The following SOX5 variants were observed in gnomAD, a reference collection of about 807,000 sequenced individuals.
SOX5 encodes the protein SRY-box transcription factor 5.
Under a neutral mutation model 92.0 loss-of-function variants are expected in SOX5, and 9 were observed. The ratio of observed to expected loss-of-function variants is 0.10; its 90% confidence interval spans 0.06 to 0.17. The LOEUF is 0.17. Ranked by LOEUF, SOX5 falls within the 10% of genes least tolerant of loss-of-function variation. The pLI is 1.00. For missense variants in SOX5, 642 were observed against 944.5 expected, an observed-to-expected ratio of 0.68 and a Z score of 4.20; for synonymous variants, 344 against 336.3, an observed-to-expected ratio of 1.02 and a Z score of -0.25.
chr12:24,064,090 G>T (rs1940229425), intron 4 of SOX5, among the ~76,000 whole-genome samples: 1 of 152,106 alleles, frequency 6.6e-6, no homozygotes, highest in South Asian at 2.1e-4. Flanking sequence ...CTTAACACGG[G>T]ACCTAAAAGA....
intron 4 of SOX5, among the ~76,000 whole-genome samples, chr12:24,080,214 C>T (rs1482150411): frequency 6.6e-6 from 1 of 151,832 alleles, no homozygotes; most frequent in South Asian, 2.1e-4. Context: ...GAAAAGAATG[C>T]CTCTGTGTAT....
At chr12:23,876,996 G>A (rs543170519) in intron 2 of SOX5, among the ~76,000 whole-genome samples, 1 of 152,186 alleles carries the variant, frequency 6.6e-6, no homozygotes, top group Admixed American at 6.5e-5. Flanking sequence ...GCCTTTTGGG[G>A]GTCAGGGGCA....
In SOX5 at chr12:24,393,951, C is replaced by T. The variant is rs776321054; in HGVS notation, c.-250-25312G>A. Among the ~76,000 whole-genome samples the T allele has an allele frequency of 2.0e-4, 31 of 152,214 alleles. No homozygotes were observed. Among genetic ancestry groups the T allele is most frequent in the African/African-American group, 7.2e-4 (30 of 41,528 alleles). ...GGCAAAATATTCTTAAAATACCCTG[C>T]GTGGGGAAAAATAAAACCGTGAGTG... On this transcript the variant is annotated intron_variant, in intron 1 of 4. Transcript: ENST00000446891. The surrounding 1 kb of genome is among the most constrained non-coding windows in gnomAD (Gnocchi z 5.0).
intron 3 of SOX5, among the ~76,000 whole-genome samples, chr12:24,224,476 A>G (rs1445552473): frequency 6.6e-6 from 1 of 152,018 alleles, no homozygotes; most frequent in Non-Finnish European, 1.5e-5. Flanking sequence ...AGTTCAAATG[A>G]TAGAATTTAC....
chr12:24,349,461 C>T (rs906563603), intron 2 of SOX5, among the ~76,000 whole-genome samples: 4 of 152,176 alleles, frequency 2.6e-5, no homozygotes, highest in African/African-American at 9.7e-5. Context: ...CTGGCAACCA[C>T]CATTCTGTCT....
intron 1 of SOX5, among the ~76,000 whole-genome samples, chr12:23,935,249 C>T (rs1942287782): frequency 2.0e-5 from 3 of 151,108 alleles, no homozygotes; most frequent in Admixed American, 1.3e-4. Flanking sequence ...TTCCTGCTAC[C>T]CAAATAAAAT....
intron 1 of SOX5, among the ~76,000 whole-genome samples, chr12:24,528,697 T>G (rs1331569080): frequency 6.6e-6 from 1 of 152,176 alleles, no homozygotes; most frequent in Non-Finnish European, 1.5e-5. Flanking sequence ...CTCTGACCAG[T>G]TCTCTTACTT....
chr12:23,909,451 A>G (rs2097327493), intron 1 of SOX5, among the ~76,000 whole-genome samples: 2 of 152,200 alleles, frequency 1.3e-5, no homozygotes, highest in Admixed American at 1.3e-4. Context: ...TCACCACAAA[A>G]TCTGTCAGTA....
At chr12:23,945,831 AT>A (rs901426466) in intron 1 of SOX5, among the ~76,000 whole-genome samples, 1 of 152,006 alleles carries the variant, frequency 6.6e-6, no homozygotes, top group Admixed American at 6.6e-5. Flanking sequence ...AGCACAACGG[AT>A]TTTTTTGTTG....
chr12:24,535,589 T>C (rs1336664452), intron 1 of SOX5, among the ~76,000 whole-genome samples: 2 of 152,322 alleles, frequency 1.3e-5, no homozygotes, highest in Non-Finnish European at 1.5e-5. Flanking sequence ...TTAAGAGTTT[T>C]AACAGACTCT....
At chr12:23,724,895 T>C (rs976939611) in intron 6 of SOX5, among the ~76,000 whole-genome samples, 1 of 152,210 alleles carries the variant, frequency 6.6e-6, no homozygotes, top group Non-Finnish European at 1.5e-5. Context: ...GTGAAAAATC[T>C]ACTTGGTGGG....
At chr12:24,444,735 G>A (rs990751912) in intron 1 of SOX5, among the ~76,000 whole-genome samples, 2 of 152,162 alleles carry the variant, frequency 1.3e-5, no homozygotes, top group African/African-American at 4.8e-5. Flanking sequence ...AAATGGGGAG[G>A]TATATAGACA....
chr12:24,312,102 C>A (rs1268907324), intron 2 of SOX5, among the ~76,000 whole-genome samples: 2 of 152,166 alleles, frequency 1.3e-5, no homozygotes, highest in African/African-American at 4.8e-5. Context: ...TTTCAACTAA[C>A]ATTGAGACCA....
chr12:23,883,205 A>G (rs1019320247), intron 2 of SOX5, among the ~76,000 whole-genome samples: 1 of 152,022 alleles, frequency 6.6e-6, no homozygotes, highest in Non-Finnish European at 1.5e-5. Context: ...AGATACTGAT[A>G]AACAGACAAA....
At chr12:23,649,935 CA>C (rs1037777887) in intron 7 of SOX5, among the ~76,000 whole-genome samples, 1 of 152,098 alleles carries the variant, frequency 6.6e-6, no homozygotes, top group Non-Finnish European at 1.5e-5. Flanking sequence ...TGAACTAATG[CA>C]AAAGTTTTGG....
chr12:23,661,122 A>G (rs1220913839), intron 7 of SOX5, among the ~76,000 whole-genome samples: 1 of 152,190 alleles, frequency 6.6e-6, no homozygotes, highest in Non-Finnish European at 1.5e-5. Flanking sequence ...TGTTTGTTTT[A>G]TACTGCATAT....
At chr12:24,436,053 A>G (rs1463840547) in intron 1 of SOX5, among the ~76,000 whole-genome samples, 1 of 152,138 alleles carries the variant, frequency 6.6e-6, no homozygotes, top group Non-Finnish European at 1.5e-5. Flanking sequence ...TCCACTGACC[A>G]GCCATTCCCC....
rs117225700 is a variant in SOX5 at position 23,648,716 on chromosome 12, T to G, written c.932-7819A>C. ...GCATACAGAGCTGTGAAAAAATAAG[T>G]TTCTGTTGTGCAAGCCACTCAGTCT... On this transcript the variant is annotated intron_variant, in intron 7 of 14. Coordinates refer to ENST00000451604, the MANE Select transcript of SOX5 (RefSeq NM_006940.6). 1.9e-4 allele frequency among the ~76,000 whole-genome samples: 29 copies of G among 152,206 alleles called. No individual in the cohort carries two copies. The East Asian group carries it at 4.8e-3, about 25-fold the overall frequency.
chr12:23,630,957 TTGTG>T (rs1341828588), intron 8 of SOX5, among the ~76,000 whole-genome samples: 1 of 151,978 alleles, frequency 6.6e-6, no homozygotes, highest in Non-Finnish European at 1.5e-5. Flanking sequence ...GACATTAAAT[TTGTG>T]TGTGTGTATC....
Sources: gnomAD v4.1 joint callset for allele counts (sites outside exome capture counted in the v4.1 genomes callset) on GRCh38, gnomAD v4.1.1 for gene constraint, Gnocchi (gnomAD v3.1) non-coding constraint, MANE v1.5 for transcripts, NCBI Gene and HGNC (gene_info 2026-07-23, HGNC 2026-07-21) for gene names.